TMEM150C: variants seen among roughly 807,000 people sequenced by gnomAD.
TMEM150C encodes the protein tentonin 3.
Under a neutral mutation model 29.9 loss-of-function variants are expected in TMEM150C, and 10 were observed. That is an observed-to-expected ratio of 0.33 (90% CI 0.21 to 0.57). The LOEUF is 0.57. Ranked by LOEUF, TMEM150C falls within the 20% of genes least tolerant of loss-of-function variation. The probability of loss-of-function intolerance (pLI) is 0.88; values close to 1 mark genes in which losing one functional copy is unlikely to be tolerated. For synonymous variants in TMEM150C, 101 were observed against 112.5 expected (o/e 0.90, Z 0.64); for missense variants, 251 against 303.6 (o/e 0.83, Z 1.29).
chr4:82,492,898 A>ATATATATATATATG (rs1367287202), intron 6 of TMEM150C, among the ~76,000 whole-genome samples: 4 of 136,102 alleles, frequency 2.9e-5, no homozygotes, highest in African/African-American at 8.4e-5. Context: ...ATATATATAT[A>ATATATATATATATG]TGTATTTGAG....
intron 1 of TMEM150C, chr4:82,509,660 T>G (rs946739659): frequency 2.0e-5 from 3 of 151,972 alleles, no homozygotes; most frequent in African/African-American, 7.3e-5. Context: ...CAGGGTGTGG[T>G]GGCACGCACC....
intron 6 of TMEM150C, among the ~76,000 whole-genome samples, 154 bp from the exon 7 acceptor site, chr4:82,490,392 T>A (rs1242064296): frequency 2.6e-5 from 4 of 152,194 alleles, no homozygotes; most frequent in Non-Finnish European, 5.9e-5. Flanking sequence ...CGTTCTATTC[T>A]CAAATGGTTT....
chr4:82,488,906 C>T (rs960806628), intron 7 of TMEM150C, among the ~76,000 whole-genome samples: 3 of 152,016 alleles, frequency 2.0e-5, no homozygotes, highest in African/African-American at 4.8e-5. Flanking sequence ...GCATGAGCCA[C>T]GGCACCAGGC....
rs527500383 is a variant in TMEM150C, at chr4:82,535,928, A to AC, written c.-11+25977dup. Among the ~76,000 whole-genome samples, 16 of 151,812 alleles carry AC rather than the reference A, an allele frequency of 1.1e-4. No homozygotes were observed. The South Asian group carries it at 2.7e-3, about 26-fold the overall frequency. ...CCTCTACACGTTAGATGTATGTAGC[A>AC]CCCCCCTCCCTGCTGCAACAACCAA... On this transcript the variant is annotated intron_variant, in intron 1 of 7. Transcript: ENST00000449862.
rs553287343 is a variant in TMEM150C at position 82,501,790 on chromosome 4, G to A, written c.235+937C>T. On this transcript the variant is annotated intron_variant, in intron 5 of 7. Transcript: ENST00000449862. ...TATTAAAAAAGAATACATTAAGAGC[G>A]AGTAGGAATTTTGAGGGGTGGAGGT... is the stretch of plus-strand genomic sequence containing the variant. Among the ~76,000 whole-genome samples, 19 of 152,256 alleles carry A rather than the reference G, an allele frequency of 1.2e-4. 2 individuals carry two copies. The South Asian group carries it at 2.1e-3, about 17-fold the overall frequency.
At chr4:82,533,215 C>G (rs565677194) in intron 1 of TMEM150C, among the ~76,000 whole-genome samples, 118 of 152,286 alleles carry the variant, frequency 7.7e-4, no homozygotes, top group Admixed American at 1.3e-3. Context: ...CACTAATTAA[C>G]GTGTACCATA....
chr4:82,521,541 G>C lies in TMEM150C; in HGVS notation c.-10-16874C>G, dbSNP rs977568369. On this transcript the variant is annotated intron_variant, in intron 1 of 7. Coordinates refer to ENST00000449862, the MANE Select transcript of TMEM150C (RefSeq NM_001080506.3). ...GAATTCTTACATCCACACAGTACGA[G>C]TGATTAATTCTGACCATGGGGATTA... is the stretch of plus-strand genomic sequence containing the variant. Among the ~76,000 whole-genome samples, 26 of 152,238 alleles carry C rather than the reference G, an allele frequency of 1.7e-4. 1 individual carries two copies.
At chr4:82,549,412 G>A (rs1560500095) in intron 1 of TMEM150C, among the ~76,000 whole-genome samples, 4 of 152,132 alleles carry the variant, frequency 2.6e-5, no homozygotes. Flanking sequence ...GGTATCTAGA[G>A]AAATTAAATT....
intron 1 of TMEM150C, among the ~76,000 whole-genome samples, chr4:82,532,144 G>T (rs1477628375): frequency 1.3e-5 from 2 of 152,180 alleles, no homozygotes; most frequent in Non-Finnish European, 2.9e-5. Flanking sequence ...TGTATAGGCT[G>T]ATAATAAGAG....
At chr4:82,495,483 C>T in intron 6 of TMEM150C, 1 of 356,524 alleles carries the variant, frequency 2.8e-6, no homozygotes, top group Non-Finnish European at 5.4e-6. Flanking sequence ...TTTTAGGCCC[C>T]AGGTGACGAG....
chr4:82,526,925 C>T (rs1724671336), intron 1 of TMEM150C, among the ~76,000 whole-genome samples: 1 of 151,418 alleles, frequency 6.6e-6, no homozygotes, highest in South Asian at 2.1e-4. Flanking sequence ...CCTGGCATGT[C>T]TTCCCCGTGT....
rs1327370513 is a variant in TMEM150C, at chr4:82,528,540, C to T, written c.-10-23873G>A. 2.0e-5 allele frequency among the ~76,000 whole-genome samples: 3 copies of T among 151,912 alleles called. No homozygotes were observed. The East Asian group carries it at 5.8e-4, about 29-fold the overall frequency. The stretch of plus-strand genomic sequence containing the variant: ...AAAATTCATTGGAAATTAATTTCCC[C>T]TGCCCACAGCCCCCTCTCTCATTCT... On this transcript the variant is annotated intron_variant, in intron 1 of 7. Coordinates refer to ENST00000449862, the MANE Select transcript of TMEM150C (RefSeq NM_001080506.3).
chr4:82,555,308 A>G (rs1360131480), intron 1 of TMEM150C, among the ~76,000 whole-genome samples: 1 of 152,240 alleles, frequency 6.6e-6, no homozygotes, highest in African/African-American at 2.4e-5. Flanking sequence ...GATTTATAAG[A>G]CAGACATATC....
In TMEM150C at chr4:82,494,783, A is replaced by ATTTTTTT. The variant is rs70964776; in HGVS notation, c.363+1278_363+1284dup. ...TGCATGTTAGGAACCAATGTTCCTAATTTTTTTTTTTTTTTTTTTTGTGAG... is the reference window on the plus strand; with the variant it reads ...TGCATGTTAGGAACCAATGTTCCTAATTTTTTTTTTTTTTTTTTTTTTTTTTTGTGAG... On this transcript the variant is annotated intron_variant, in intron 6 of 7. Coordinates refer to ENST00000449862, the MANE Select transcript of TMEM150C (RefSeq NM_001080506.3). 2.7e-5 allele frequency: 5 copies of ATTTTTTT among 188,104 alleles called. 1 individual carries two copies. The highest frequency in any genetic ancestry group is 5.8e-5 in the Admixed American group (1 of 17,138). The allele number at this position is 188,104 out of a possible 1,614,324, so 11.7% of individuals were successfully genotyped here. A position where few individuals can be genotyped will look rare whatever the true frequency, so the allele number is the denominator to read the frequency against.
chr4:82,555,767 G>A (rs964331638), intron 1 of TMEM150C, among the ~76,000 whole-genome samples: 4 of 152,262 alleles, frequency 2.6e-5, no homozygotes, highest in Non-Finnish European at 4.4e-5. Flanking sequence ...TAGGTACTGC[G>A]GGATAATGGC....
chr4:82,558,708 T>C (rs1201699559), intron 1 of TMEM150C, among the ~76,000 whole-genome samples: 1 of 152,160 alleles, frequency 6.6e-6, no homozygotes, highest in African/African-American at 2.4e-5. Context: ...GAACAAGTTT[T>C]AAAATACTTA....
At chr4:82,499,733 A>AG (rs1723671781) in intron 5 of TMEM150C, among the ~76,000 whole-genome samples, 1 of 151,160 alleles carries the variant, frequency 6.6e-6, no homozygotes, top group Non-Finnish European at 1.5e-5. Context: ...AAAAAAAAAA[A>AG]AAAAAAAAAA....
chr4:82,531,639 C>T (rs1452151981), intron 1 of TMEM150C, among the ~76,000 whole-genome samples: 3 of 151,296 alleles, frequency 2.0e-5, no homozygotes, highest in African/African-American at 7.3e-5. Flanking sequence ...CCTGTAATCC[C>T]AGGTACGTGG....
chr4:82,486,335 T>TAA (rs527967958), intron 7 of TMEM150C, among the ~76,000 whole-genome samples: 1,035 of 51,278 alleles, frequency 0.02, 114 homozygotes, highest in African/African-American at 0.072. Context: ...GACTCCATCT[T>TAA]AAAAAAAAAA....
Sources: allele counts gnomAD v4.1 joint callset (sites outside exome capture counted in the v4.1 genomes callset), GRCh38; gene constraint gnomAD v4.1.1; transcripts MANE v1.5; gene names NCBI Gene and HGNC (gene_info 2026-07-23, HGNC 2026-07-21).